Variants in LGALS3 observed in about 807,000 individuals in gnomAD.
LGALS3 encodes the protein galectin-3.
Under a neutral mutation model 20.7 loss-of-function variants are expected in LGALS3, and 18 were observed. That is an observed-to-expected ratio of 0.87 (90% CI 0.60 to 1.29). The LOEUF is 1.29. LGALS3 is among the 50% of genes most tolerant of loss of function. The probability of loss-of-function intolerance (pLI) is 0.00; values close to 1 mark genes in which losing one functional copy is unlikely to be tolerated. For missense variants in LGALS3, 315 were observed against 314.7 expected (o/e 1.00, Z -0.01); for synonymous variants, 112 against 119.6 (o/e 0.94, Z 0.42).
In LGALS3 at chr14:55,137,098, G is replaced by T; in HGVS notation, c.-4-272G>T. 9.1e-6 allele frequency: 5 copies of T among 550,250 alleles called. No homozygotes were observed. In the South Asian group the frequency reaches 1.1e-4, roughly 12 times the overall value. The allele number at this position is 550,250 out of a possible 1,614,324, so 34.1% of individuals were successfully genotyped here. A position where few individuals can be genotyped will look rare whatever the true frequency, so the allele number is the denominator to read the frequency against. On this transcript the variant is annotated intron_variant, in intron 1 of 5. Transcript: ENST00000254301. ...CTTCAAAAACCCAGAGTAGGGGATG[G>T]GGCAGTTAGTGGGGACAGAGGGCAG...
chr14:55,144,855 C>T (rs1486456313), intron 5 of LGALS3, among the ~76,000 whole-genome samples: 5 of 152,318 alleles, frequency 3.3e-5, no homozygotes, highest in Non-Finnish European at 7.3e-5. Flanking sequence ...TGAGCCACCC[C>T]GCCCAGCATA....
intron 4 of LGALS3, 102 bp from the exon 5 acceptor site, chr14:55,142,482 T>C: frequency 5.6e-6 from 5 of 895,688 alleles, no homozygotes; most frequent in Non-Finnish European, 8.4e-6. Context: ...TCCTAGGTAC[T>C]GTATTATGAA....
At chr14:55,132,121 T>G (rs74669285) in intron 1 of LGALS3, among the ~76,000 whole-genome samples, 1,707 of 152,344 alleles carry the variant, frequency 0.011, 35 homozygotes, top group African/African-American at 0.039. Context: ...AATAGCATAG[T>G]GCAGCGGATA....
intron 1 of LGALS3, among the ~76,000 whole-genome samples, chr14:55,130,152 G>A (rs1196529912): frequency 6.6e-6 from 1 of 152,370 alleles, no homozygotes. Context: ...AGCGTGCAGA[G>A]CCCTACCGGG....
intron 1 of LGALS3, among the ~76,000 whole-genome samples, chr14:55,134,820 C>T (rs1398296603): frequency 6.6e-6 from 1 of 152,156 alleles, no homozygotes; most frequent in Non-Finnish European, 1.5e-5. Context: ...ATGGTCATAA[C>T]CTAACCACTT....
Position 55,145,398 on chromosome 14 carries a change from A to G in LGALS3, c.*127A>G. On this transcript the variant is annotated 3_prime_UTR_variant, in exon 6 of 6. Transcript: ENST00000254301. ...CTCTTGTAAGTCATCTACTTAATAA[A>G]TATTACAGTGAATTACCTGTCTCAA... 6.7e-7 allele frequency: 1 copy of G among 1,501,702 alleles called. No individual in the cohort carries two copies. The highest frequency in any genetic ancestry group is 9.0e-7 in the Non-Finnish European group (1 of 1,113,238). The allele number at this position is 1,501,702 out of a possible 1,614,324, so 93.0% of individuals were successfully genotyped here. A position where few individuals can be genotyped will look rare whatever the true frequency, so the allele number is the denominator to read the frequency against.
chr14:55,145,239 G>C lies in LGALS3; in HGVS notation c.721G>C (p.Asp241His). ...ISKLGISGDIDLTSASYTMI is the reference protein window; with the variant it reads ...ISKLGISGDIHLTSASYTMI ...CAAACTGGGAATTTCTGGTGACATAGACCTCACCAGTGCTTCATATACCAT... is the reference window on the plus strand; with the variant it reads ...CAAACTGGGAATTTCTGGTGACATACACCTCACCAGTGCTTCATATACCAT... The change falls in exon 6 of 6, where the codon GAC (aspartate) becomes CAC (histidine). Residue 241 changes from aspartate (D) to histidine (H), a missense_variant. Asp to His is a moderately conservative substitution (Grantham distance 81). Coordinates refer to ENST00000254301, the MANE Select transcript of LGALS3 (RefSeq NM_002306.4). 5.6e-6 allele frequency: 9 copies of C among 1,613,072 alleles called. No homozygotes were observed. Among genetic ancestry groups the C allele is most frequent in the Non-Finnish European group, 7.6e-6 (9 of 1,179,722 alleles).
intron 3 of LGALS3, 93 bp from the exon 4 acceptor site, chr14:55,140,182 C>T: frequency 1.3e-6 from 1 of 795,944 alleles, no homozygotes; most frequent in Non-Finnish European, 2.1e-6. Flanking sequence ...GTGTTTTTCA[C>T]ACATATTAAT....
chr14:55,142,824 T>C (rs1881677253), intron 5 of LGALS3, 75 bp downstream of exon 5: 3 of 1,228,420 alleles, frequency 2.4e-6, no homozygotes, highest in Admixed American at 2.0e-5. Context: ...CCAAAGCACT[T>C]GAAGTGAGAG....
chr14:55,143,351 A>G (rs1253172180), intron 5 of LGALS3: 3 of 296,824 alleles, frequency 1.0e-5, no homozygotes, highest in South Asian at 5.0e-5. Context: ...ACTCTTCAAC[A>G]ACAGGGACAA....
intron 1 of LGALS3, among the ~76,000 whole-genome samples, chr14:55,130,754 G>C (rs75585784): frequency 1.3e-5 from 1 of 76,150 alleles, no homozygotes; most frequent in Admixed American, 1.2e-4. Flanking sequence ...TGGTGGTGGT[G>C]GGGGGGGGGG....
chr14:55,131,147 T>G (rs1295030543), intron 1 of LGALS3, among the ~76,000 whole-genome samples: 1 of 152,116 alleles, frequency 6.6e-6, no homozygotes, highest in African/African-American at 2.4e-5. Context: ...TGATGGTCCT[T>G]GAATATTTAG....
intron 1 of LGALS3, among the ~76,000 whole-genome samples, chr14:55,132,860 C>T (rs1276835133): frequency 6.6e-6 from 1 of 152,214 alleles, no homozygotes; most frequent in Non-Finnish European, 1.5e-5. Context: ...AGCCACTGCA[C>T]TCGGCCTATA....
intron 1 of LGALS3, among the ~76,000 whole-genome samples, chr14:55,136,179 C>T (rs1881389279): frequency 6.6e-6 from 1 of 152,088 alleles, no homozygotes; most frequent in Non-Finnish European, 1.5e-5. Context: ...GTCTCCAGAC[C>T]ACCCCTTAGG....
intron 3 of LGALS3, among the ~76,000 whole-genome samples, chr14:55,139,147 G>C (rs1881527926): frequency 6.6e-6 from 1 of 152,124 alleles, no homozygotes; most frequent in Non-Finnish European, 1.5e-5. Flanking sequence ...GCCTATACCA[G>C]AGATGGTTAG....
intron 1 of LGALS3, among the ~76,000 whole-genome samples, chr14:55,133,701 T>C (rs1042974905): frequency 6.6e-6 from 1 of 152,236 alleles, no homozygotes; most frequent in Admixed American, 6.5e-5. Context: ...CGAGGTGGTG[T>C]TGAAACAGTG....
chr14:55,140,224 C>A, intron 3 of LGALS3, 51 bp from the exon 4 acceptor site: 1 of 1,223,472 alleles, frequency 8.2e-7, no homozygotes, highest in East Asian at 2.4e-5. Context: ...TCGTTTTTTC[C>A]CCAAAGAAAC....
chr14:55,138,055 C>T lies in LGALS3; in HGVS notation c.29C>T (p.Ala10Val), dbSNP rs202159462. The change falls in exon 3 of 6, where the codon GCG becomes GTG. Residue 10 changes from alanine to valine, a missense_variant. Physicochemically the swap from Ala to Val is moderately conservative, Grantham distance 64. Coordinates refer to ENST00000254301, the MANE Select transcript of LGALS3 (RefSeq NM_002306.4). The part of the protein sequence containing the change: MADNFSLHD[A>V]LSGSGNPNPQ... ...TGTCTTTCTTTCCAGCTCCATGATGCGTTATCTGGGTCTGGAAACCCAAAC... is the reference window on the plus strand; with the variant it reads ...TGTCTTTCTTTCCAGCTCCATGATGTGTTATCTGGGTCTGGAAACCCAAAC... The T allele has an allele frequency of 7.4e-4, 1,105 of 1,500,454 alleles. No individual in the cohort carries two copies. Among genetic ancestry groups the T allele is most frequent in the Non-Finnish European group, 9.2e-4 (1,039 of 1,125,398 alleles). The allele number at this position is 1,500,454 out of a possible 1,614,324, so 92.9% of individuals were successfully genotyped here.
At chr14:55,139,425 G>A (rs1389878232) in intron 3 of LGALS3, among the ~76,000 whole-genome samples, 1 of 152,146 alleles carries the variant, frequency 6.6e-6, no homozygotes, top group Non-Finnish European at 1.5e-5. Context: ...AAATCTAGGT[G>A]GGAGGAAGTA....
Sources: gnomAD v4.1 joint callset for allele counts (sites outside exome capture counted in the v4.1 genomes callset) on GRCh38, gnomAD v4.1.1 for gene constraint, MANE v1.5 for transcripts, NCBI Gene and HGNC (gene_info 2026-07-23, HGNC 2026-07-21) for gene names.